The following HACE1 variants were observed in gnomAD, a reference collection of about 807,000 sequenced individuals.
HACE1 encodes E3 ubiquitin-protein ligase HACE1.
A neutral mutation model predicts 118.4 loss-of-function variants in HACE1; 73 were observed. That is an observed-to-expected ratio of 0.62 (90% CI 0.51 to 0.75). HACE1 has a LOEUF of 0.75. Among genes scored for constraint, HACE1 ranks in the 30% least tolerant of loss-of-function variants. HACE1 has a pLI of 0.00. For synonymous variants in HACE1, 368 were observed against 374.8 expected (o/e 0.98, Z 0.21); for missense variants, 749 against 1,102.2 (o/e 0.68, Z 4.54).
At chr6:104,841,053 G>A (rs530141013) in intron 5 of HACE1, among the ~76,000 whole-genome samples, 7 of 151,860 alleles carry the variant, frequency 4.6e-5, no homozygotes, top group African/African-American at 1.2e-4. Flanking sequence ...CCCGGGAGGT[G>A]GAAGTTGCAG....
intron 6 of HACE1, among the ~76,000 whole-genome samples, chr6:104,812,336 C>T (rs1418338866): frequency 1.3e-5 from 2 of 152,000 alleles, no homozygotes; most frequent in Admixed American, 1.3e-4. Context: ...GGCCTAGCTA[C>T]TCAGGAGGCT....
intron 22 of HACE1, among the ~76,000 whole-genome samples, chr6:104,740,043 T>A (rs1776456854): frequency 1.3e-5 from 2 of 151,938 alleles, no homozygotes; most frequent in African/African-American, 4.8e-5. Flanking sequence ...ACATGGAAAC[T>A]GAACAAGCTG....
chr6:104,805,091 C>T (rs546278464), intron 7 of HACE1, among the ~76,000 whole-genome samples: 2 of 152,142 alleles, frequency 1.3e-5, no homozygotes, highest in South Asian at 4.1e-4. Context: ...ATGCAACCAA[C>T]AGACATGAAA....
At chr6:104,784,582 A>C in intron 12 of HACE1, 97 bp from the exon 13 acceptor site, 1 of 788,136 alleles carries the variant, frequency 1.3e-6, no homozygotes, top group Non-Finnish European at 2.0e-6. Context: ...CTGGCTTCTA[A>C]ACCAAAAAAA....
At chr6:104,829,901 G>A (rs1773690989) in intron 6 of HACE1, among the ~76,000 whole-genome samples, 1 of 152,144 alleles carries the variant, frequency 6.6e-6, no homozygotes. Flanking sequence ...TAAACCATAT[G>A]GAGTATATTA....
At chr6:104,745,512 C>T (rs1777324982) in intron 20 of HACE1, among the ~76,000 whole-genome samples, 1 of 146,560 alleles carries the variant, frequency 6.8e-6, no homozygotes, top group South Asian at 2.1e-4. Flanking sequence ...AGTGGCGCGG[C>T]TCACTGCAAG....
chr6:104,837,953 C>A (rs1351317564), intron 5 of HACE1, among the ~76,000 whole-genome samples: 1 of 152,028 alleles, frequency 6.6e-6, no homozygotes, highest in Non-Finnish European at 1.5e-5. Flanking sequence ...AAAGTAATCC[C>A]ATTTATGACA....
intron 19 of HACE1, among the ~76,000 whole-genome samples, chr6:104,764,072 T>C (rs1160825423): frequency 6.6e-6 from 1 of 151,986 alleles, no homozygotes; most frequent in African/African-American, 2.4e-5. Flanking sequence ...AAAAAAGTAC[T>C]GCACACTTTT....
intron 22 of HACE1, among the ~76,000 whole-genome samples, chr6:104,740,035 A>G (rs1320797400): frequency 1.3e-5 from 2 of 152,052 alleles, no homozygotes; most frequent in African/African-American, 2.4e-5. Context: ...ACTCAACTAC[A>G]TGGAAACTGA....
intron 20 of HACE1, among the ~76,000 whole-genome samples, chr6:104,748,999 T>C (rs1777751649): frequency 3.3e-5 from 5 of 152,194 alleles, no homozygotes; most frequent in Admixed American, 1.3e-4. Context: ...TATCAAGCTA[T>C]ACATTTATGA....
chr6:104,856,236 A>C (rs1341615125), intron 1 of HACE1, among the ~76,000 whole-genome samples: 1 of 152,200 alleles, frequency 6.6e-6, no homozygotes, highest in Admixed American at 6.5e-5. Context: ...CCAACTGTTA[A>C]CAAAAAAAAG....
intron 17 of HACE1, among the ~76,000 whole-genome samples, chr6:104,774,575 G>C (rs1322219814): frequency 6.6e-6 from 1 of 151,458 alleles, no homozygotes; most frequent in Non-Finnish European, 1.5e-5. Context: ...AGTTAGAGAT[G>C]GGGTTTTACC....
At position 104,729,481 on chromosome 6, in the gene HACE1, C is replaced by G; in HGVS notation, c.*181G>C. On this transcript the variant is annotated 3_prime_UTR_variant, in exon 24 of 24. Coordinates refer to ENST00000262903, the MANE Select transcript of HACE1 (RefSeq NM_020771.4). ...GATTTTATATTTTCTAATTGTATCACAAACAGAGAAAACATAAAAGGGAAA... is the reference window on the plus strand; with the variant it reads ...GATTTTATATTTTCTAATTGTATCAGAAACAGAGAAAACATAAAAGGGAAA... 1 of 610,928 alleles carries G rather than the reference C, an allele frequency of 1.6e-6. No individual in the cohort carries two copies. The highest frequency in any genetic ancestry group is 2.0e-5 in the South Asian group (1 of 50,966). 37.8% of individuals were successfully genotyped at this position (610,928 alleles called of 1,614,324 possible).
chr6:104,784,595 A>AT, intron 12 of HACE1, 110 bp from the exon 13 acceptor site: 1 of 735,932 alleles, frequency 1.4e-6, no homozygotes, highest in Non-Finnish European at 2.3e-6. Flanking sequence ...CAAAAAAAAA[A>AT]GAATTTGGTT....
chr6:104,783,476 G>C (rs891073012), intron 14 of HACE1, among the ~76,000 whole-genome samples: 1 of 152,178 alleles, frequency 6.6e-6, no homozygotes, highest in Non-Finnish European at 1.5e-5. Flanking sequence ...AGTTCTATGA[G>C]GCTGCTGTCA....
intron 11 of HACE1, among the ~76,000 whole-genome samples, chr6:104,789,116 A>G (rs1477452137): frequency 6.6e-6 from 1 of 152,084 alleles, no homozygotes; most frequent in East Asian, 1.9e-4. Flanking sequence ...CACCCCCACA[A>G]TGAACAGGAG....
intron 4 of HACE1, among the ~76,000 whole-genome samples, chr6:104,847,282 G>C (rs1775751815): frequency 6.6e-6 from 1 of 152,138 alleles, no homozygotes; most frequent in African/African-American, 2.4e-5. Context: ...TGTTGAAACA[G>C]AGTACTATGA....
intron 4 of HACE1, among the ~76,000 whole-genome samples, chr6:104,847,341 A>C (rs954154992): frequency 6.6e-6 from 1 of 152,250 alleles, no homozygotes; most frequent in Non-Finnish European, 1.5e-5. Context: ...TACCCTATCA[A>C]CACGTGGAAT....
chr6:104,735,398 C>T (rs6920407), intron 22 of HACE1, among the ~76,000 whole-genome samples: 33,425 of 151,914 alleles, frequency 0.22, 3,836 homozygotes, highest in African/African-American at 0.29. Context: ...TTTGGGAGGC[C>T]GAGGCGGGCA....
Sources: allele counts gnomAD v4.1 joint callset (sites outside exome capture counted in the v4.1 genomes callset), GRCh38; gene constraint gnomAD v4.1.1; transcripts MANE v1.5; gene names NCBI Gene and HGNC (gene_info 2026-07-23, HGNC 2026-07-21).